Variants in WDFY4 observed in about 807,000 individuals in gnomAD.
The protein encoded by WDFY4 is WD repeat- and FYVE domain-containing protein 4.
Under a neutral mutation model 351.9 loss-of-function variants are expected in WDFY4, and 169 were observed. The observed-to-expected ratio is 0.48, with a 90% confidence interval of 0.42 to 0.55. WDFY4 has a LOEUF of 0.55. Ranked by LOEUF, WDFY4 falls within the 20% of genes least tolerant of loss-of-function variation. The pLI, the probability that WDFY4 is intolerant of heterozygous loss-of-function variation, is 0.00. For synonymous variants in WDFY4, 1,622 were observed against 1,574.6 expected (o/e 1.03, Z -0.71); for missense variants, 3,803 against 3,935.6 (o/e 0.97, Z 0.90).
chr10:48,972,099 A>T (rs1428363419), intron 57 of WDFY4, among the ~76,000 whole-genome samples: 1 of 152,128 alleles, frequency 6.6e-6, no homozygotes, highest in African/African-American at 2.4e-5. Flanking sequence ...CTACTTCCAA[A>T]TCAACAGGAA....
At chr10:48,894,895 G>C (rs1257444882) in intron 44 of WDFY4, among the ~76,000 whole-genome samples, 1 of 152,230 alleles carries the variant, frequency 6.6e-6, no homozygotes, top group Non-Finnish European at 1.5e-5. Context: ...TGTAGGAGCA[G>C]CTCAGCTGAG....
intron 53 of WDFY4, among the ~76,000 whole-genome samples, chr10:48,961,628 A>G (rs950047241): frequency 2.0e-5 from 3 of 152,146 alleles, no homozygotes; most frequent in African/African-American, 7.2e-5. Flanking sequence ...ATTTTTGGAG[A>G]TGTGGAGCTT....
intron 47 of WDFY4, among the ~76,000 whole-genome samples, chr10:48,922,138 T>G (rs983548754): frequency 2.6e-5 from 4 of 152,234 alleles, no homozygotes; most frequent in Non-Finnish European, 5.9e-5. Context: ...TTTCCACATT[T>G]TTAGTTCCCC....
Position 48,810,704 on chromosome 10 carries a change from A to C in WDFY4, c.5013A>C (p.Glu1671Asp). The change falls in exon 29 of 62, where the codon GAA becomes GAC. Residue 1671 changes from glutamate to aspartate, a missense_variant. Physicochemically the swap from Glu to Asp is conservative, Grantham distance 45 (BLOSUM62 2). Coordinates refer to ENST00000325239, the MANE Select transcript of WDFY4 (RefSeq NM_001394531.1). ...RDGLCAGSWVERSTEGVDIVM... is the reference protein window; with the variant it reads ...RDGLCAGSWVDRSTEGVDIVM... ...GCCTGTGTGCAGGATCCTGGGTGGA[A>C]CGCAGCACTGAGGGCGTGGATATTG... The C allele has an allele frequency of 6.5e-7, 1 of 1,547,888 alleles. No individual in the cohort carries two copies. Among genetic ancestry groups the C allele is most frequent in the Non-Finnish European group, 8.7e-7 (1 of 1,145,436 alleles).
intron 39 of WDFY4, among the ~76,000 whole-genome samples, chr10:48,847,354 T>G (rs1219906243): frequency 6.6e-6 from 1 of 152,198 alleles, no homozygotes; most frequent in Non-Finnish European, 1.5e-5. Flanking sequence ...TCTGAGGTAC[T>G]AGGGGTTAGG....
At chr10:48,726,794 T>A (rs949309090) in intron 6 of WDFY4, among the ~76,000 whole-genome samples, 2 of 152,228 alleles carry the variant, frequency 1.3e-5, no homozygotes, top group African/African-American at 2.4e-5. Context: ...CTTTCTCTGA[T>A]CCACTGGATT....
At chr10:48,838,321 C>T (rs2068477154) in intron 39 of WDFY4, among the ~76,000 whole-genome samples, 1 of 152,204 alleles carries the variant, frequency 6.6e-6, no homozygotes, top group African/African-American at 2.4e-5. Flanking sequence ...TTGGAGACTT[C>T]AGAGGCAGGG....
Position 48,780,054 on chromosome 10 carries a change from A to G in WDFY4, c.3511A>G (p.Lys1171Glu). 1.9e-6 allele frequency: 3 copies of G among 1,551,994 alleles called. No individual in the cohort carries two copies. The highest frequency in any genetic ancestry group is 2.6e-6 in the Non-Finnish European group (3 of 1,147,066). ...GCATCACTTGGCTGTGGTTGTCACT[A>G]AGGAAATGAAAAGGCATTGTACAGT... is the stretch of plus-strand genomic sequence containing the variant. The part of the protein sequence containing the change: ...QWHHLAVVVT[K>E]EMKRHCTVST... Residue 1171 changes from lysine (K) to glutamate (E), a missense_variant, in exon 19 of 62, where the codon AAG becomes GAG. Lys to Glu is a moderately conservative substitution (Grantham distance 56, BLOSUM62 1). Around this residue, in one of 3 missense-constraint regions of WDFY4, gnomAD observed 3,054 missense variants for 3,148.6 expected, o/e 0.97. Transcript: ENST00000325239.
At chr10:48,840,796 A>G (rs1250982534) in intron 39 of WDFY4, among the ~76,000 whole-genome samples, 1 of 152,230 alleles carries the variant, frequency 6.6e-6, no homozygotes, top group Non-Finnish European at 1.5e-5. Flanking sequence ...AAGGAGTCTT[A>G]AGTGTCTCTG....
At chr10:48,803,626 T>G (rs1317893419) in intron 25 of WDFY4, among the ~76,000 whole-genome samples, 1 of 152,058 alleles carries the variant, frequency 6.6e-6, no homozygotes, top group Non-Finnish European at 1.5e-5. Context: ...CCAGCAAAGG[T>G]CCACTCTCCC....
At chr10:48,737,325 C>A (rs1282869290) in intron 11 of WDFY4, among the ~76,000 whole-genome samples, 1 of 151,900 alleles carries the variant, frequency 6.6e-6, no homozygotes, top group Non-Finnish European at 1.5e-5. Flanking sequence ...GCTCATGTTT[C>A]ATTAACATGA....
chr10:48,928,231 C>T (rs2133653715), intron 47 of WDFY4, among the ~76,000 whole-genome samples: 1 of 152,296 alleles, frequency 6.6e-6, no homozygotes, highest in South Asian at 2.1e-4. Context: ...TTCCCCATGA[C>T]CCTGGATGGT....
intron 4 of WDFY4, among the ~76,000 whole-genome samples, chr10:48,721,615 T>C (rs1453660242): frequency 6.6e-6 from 1 of 152,190 alleles, no homozygotes; most frequent in Non-Finnish European, 1.5e-5. Flanking sequence ...TTGGTTGCAT[T>C]TCTAATTTTA....
At chr10:48,713,704 C>T (rs12267792) in intron 2 of WDFY4, among the ~76,000 whole-genome samples, 10,113 of 152,330 alleles carry the variant, frequency 0.066, 701 homozygotes, top group African/African-American at 0.17. Context: ...GGGTTCCTCA[C>T]TCCTCTTGTT....
At chr10:48,715,087 C>A (rs1474832132) in intron 2 of WDFY4, among the ~76,000 whole-genome samples, 1 of 152,234 alleles carries the variant, frequency 6.6e-6, no homozygotes, top group Non-Finnish European at 1.5e-5. Context: ...GAGTGAACAC[C>A]TGTGTGGAGA....
chr10:48,823,969 G>A, intron 35 of WDFY4: 1 of 985,452 alleles, frequency 1.0e-6, no homozygotes, highest in Non-Finnish European at 1.2e-6. Context: ...GAAATTCTAA[G>A]GGAGTAGCCT....
At chr10:48,865,162 TCAC>T (rs1035152153) in intron 39 of WDFY4, among the ~76,000 whole-genome samples, 2 of 152,232 alleles carry the variant, frequency 1.3e-5, no homozygotes, top group African/African-American at 4.8e-5. Context: ...ATTCAGTCCT[TCAC>T]CACCAAGTAT....
chr10:48,964,009 C>T lies in WDFY4; in HGVS notation c.8391C>T (p.Ser2797=), dbSNP rs1841972550. The change falls in exon 54 of 62, where the codon AGC becomes AGT. Residue 2797 remains serine, a synonymous_variant. Coordinates refer to ENST00000325239, the MANE Select transcript of WDFY4 (RefSeq NM_001394531.1). ...LSSITDPLIK[S]TILGFVSNFG... is the part of the protein sequence containing the mutation. ...GCATCACTGACCCCCTCATCAAAAG[C>T]ACCATCCTGGGGTTTGTCAGCAACT... The T allele has an allele frequency of 6.5e-7, 1 of 1,550,338 alleles. No individual in the cohort carries two copies. Among genetic ancestry groups the T allele is most frequent in the East Asian group, 2.4e-5 (1 of 40,930 alleles).
At chr10:48,966,496 C>G (rs769501289) in intron 54 of WDFY4, 30 bp from the exon 55 acceptor site, 2 of 1,546,340 alleles carry the variant, frequency 1.3e-6, no homozygotes, top group African/African-American at 2.7e-5. Context: ...CATCTCTCCC[C>G]TCATGTGTGT....
Sources: allele counts gnomAD v4.1 joint callset (sites outside exome capture counted in the v4.1 genomes callset), GRCh38; gene constraint gnomAD v4.1.1; regional missense constraint gnomAD v4.1.1; transcripts MANE v1.5; gene names NCBI Gene and HGNC (gene_info 2026-07-23, HGNC 2026-07-21).